EDIL3: variants seen among roughly 807,000 people sequenced by gnomAD.
EDIL3 encodes EGF like and discoidin domains 3.
Under a neutral mutation model 67.4 loss-of-function variants are expected in EDIL3, and 37 were observed. That is an observed-to-expected ratio of 0.55 (90% CI 0.42 to 0.72). The LOEUF (loss-of-function observed/expected upper bound fraction) is 0.72. Among genes scored for constraint, EDIL3 ranks in the 30% least tolerant of loss-of-function variants. The probability of loss-of-function intolerance (pLI) is 0.00; values close to 1 mark genes in which losing one functional copy is unlikely to be tolerated. For missense variants in EDIL3, 527 were observed against 586.3 expected (o/e 0.90, Z 1.04); for synonymous variants, 195 against 196.3 (o/e 0.99, Z 0.05).
intron 2 of EDIL3, among the ~76,000 whole-genome samples, chr5:84,246,384 T>G (rs1053896222): frequency 6.6e-6 from 1 of 152,236 alleles, no homozygotes; most frequent in Admixed American, 6.5e-5. Flanking sequence ...GCCAGCTGAC[T>G]GCAGACGCAG....
chr5:84,302,078 A>G (rs564711539), intron 1 of EDIL3, among the ~76,000 whole-genome samples: 42 of 152,292 alleles, frequency 2.8e-4, no homozygotes, highest in Non-Finnish European at 4.3e-4. Context: ...TATAGAAAGT[A>G]TATCTTATAC....
chr5:84,094,325 A>G (rs1747222134), intron 6 of EDIL3, among the ~76,000 whole-genome samples: 1 of 152,202 alleles, frequency 6.6e-6, no homozygotes, highest in African/African-American at 2.4e-5. Flanking sequence ...GAAATATATT[A>G]ATGTCCAGAT....
rs28690137 is a variant in EDIL3 at position 84,056,406 on chromosome 5, C to A, written c.1137+3894G>T. Among the ~76,000 whole-genome samples the A allele has an allele frequency of 8.6e-3, 1,303 of 152,038 alleles. 20 individuals carry two copies. Among genetic ancestry groups the A allele is most frequent in the African/African-American group, 0.03 (1,230 of 41,472 alleles). On this transcript the variant is annotated intron_variant, in intron 9 of 10. Coordinates refer to ENST00000296591, the MANE Select transcript of EDIL3 (RefSeq NM_005711.5). ...TAATGGGTGCAGCACACCAACATGG[C>A]ACATGTATACATATGTAACAAACCT... is the stretch of plus-strand genomic sequence containing the variant.
At chr5:84,148,142 T>C (rs1488464191) in intron 4 of EDIL3, among the ~76,000 whole-genome samples, 1 of 152,184 alleles carries the variant, frequency 6.6e-6, no homozygotes, top group African/African-American at 2.4e-5. Flanking sequence ...ACTGCAAATA[T>C]AACTGTCCTT....
intron 5 of EDIL3, among the ~76,000 whole-genome samples, chr5:84,135,552 T>A (rs993197148): frequency 7.9e-5 from 12 of 152,208 alleles, no homozygotes; most frequent in African/African-American, 2.9e-4. Context: ...TGAGCAGCCA[T>A]CTTCAAATTC....
intron 6 of EDIL3, among the ~76,000 whole-genome samples, chr5:84,075,634 C>T (rs1460918766): frequency 6.6e-6 from 1 of 152,094 alleles, no homozygotes; most frequent in Non-Finnish European, 1.5e-5. Flanking sequence ...TGCCACCACT[C>T]CTGGCTAATT....
In EDIL3 at chr5:84,371,393, G is replaced by T. The variant is rs1431388265; in HGVS notation, c.67+12915C>A. Among the ~76,000 whole-genome samples, 3 of 145,946 alleles carry T rather than the reference G, an allele frequency of 2.1e-5. No homozygotes were observed. In the South Asian group the frequency reaches 6.4e-4, roughly 31 times the overall value. Reference sequence around the variant, plus strand: ...TATATGTATGTGTGTATATATATGTGTGTATATATATGTGTGTATATGTGT... The same window carrying T: ...TATATGTATGTGTGTATATATATGTTTGTATATATATGTGTGTATATGTGT... On this transcript the variant is annotated intron_variant, in intron 1 of 10. Coordinates refer to ENST00000296591, the MANE Select transcript of EDIL3 (RefSeq NM_005711.5).
chr5:84,317,872 T>C (rs1451456768), intron 1 of EDIL3, among the ~76,000 whole-genome samples: 1 of 152,204 alleles, frequency 6.6e-6, no homozygotes, highest in African/African-American at 2.4e-5. Flanking sequence ...TAAGTCAAAT[T>C]GTCTCTGTTT....
chr5:84,169,739 G>C (rs1024704467), intron 4 of EDIL3, among the ~76,000 whole-genome samples: 1 of 151,272 alleles, frequency 6.6e-6, no homozygotes, highest in African/African-American at 2.4e-5. Flanking sequence ...TTGCATTGCT[G>C]AGTAGCAATT....
At chr5:84,199,718 G>A (rs866629215) in intron 3 of EDIL3, among the ~76,000 whole-genome samples, 4 of 151,892 alleles carry the variant, frequency 2.6e-5, no homozygotes, top group African/African-American at 7.3e-5. Context: ...CAAATCTCCC[G>A]TAAACATTTT....
At chr5:84,371,939 C>G (rs1747864231) in intron 1 of EDIL3, among the ~76,000 whole-genome samples, 1 of 152,078 alleles carries the variant, frequency 6.6e-6, no homozygotes, top group African/African-American at 2.4e-5. Flanking sequence ...CCACCACGAT[C>G]TATGGATCCC....
chr5:83,982,105 AC>A (rs1372461029), intron 9 of EDIL3, among the ~76,000 whole-genome samples: 2 of 152,098 alleles, frequency 1.3e-5, no homozygotes, highest in Non-Finnish European at 2.9e-5. Flanking sequence ...AAAATCTAAC[AC>A]ATGTGATTTA....
chr5:84,138,870 T>G (rs988886875), intron 4 of EDIL3, among the ~76,000 whole-genome samples: 2 of 152,120 alleles, frequency 1.3e-5, no homozygotes, highest in Non-Finnish European at 2.9e-5. Context: ...ATAATTTGAG[T>G]ACCTCATAAC....
rs368118646 is a variant in EDIL3, at chr5:84,034,997, T to C, written c.1137+25303A>G. Reference sequence around the variant, plus strand: ...ATGATTTATCTTAAATAAATTTTTCTGGGACATTTTTTGTCATAGACTGTA... The same window carrying C: ...ATGATTTATCTTAAATAAATTTTTCCGGGACATTTTTTGTCATAGACTGTA... On this transcript the variant is annotated intron_variant, in intron 9 of 10. Coordinates refer to ENST00000296591, the MANE Select transcript of EDIL3 (RefSeq NM_005711.5). Among the ~76,000 whole-genome samples, 18 of 152,296 alleles carry C rather than the reference T, an allele frequency of 1.2e-4. No homozygotes were observed. The East Asian group carries it at 3.3e-3, about 28-fold the overall frequency.
rs972046883 is a variant in EDIL3 at position 84,152,661 on chromosome 5, T to G, written c.356-15307A>C. 3.9e-5 allele frequency among the ~76,000 whole-genome samples: 6 copies of G among 151,988 alleles called. No homozygotes were observed. In the East Asian group the frequency reaches 1.2e-3, roughly 29 times the overall value. ...TGGCCCTTAGTATAAAGATTTGAGT[T>G]TATGCAGCATCTTACTTCCCTACAC... On this transcript the variant is annotated intron_variant, in intron 4 of 10. Coordinates refer to ENST00000296591, the MANE Select transcript of EDIL3 (RefSeq NM_005711.5).
chr5:84,304,015 T>G (rs951254672), intron 1 of EDIL3, among the ~76,000 whole-genome samples: 1 of 152,182 alleles, frequency 6.6e-6, no homozygotes, highest in Non-Finnish European at 1.5e-5. Flanking sequence ...TAATATTATT[T>G]TTAATGATTA....
chr5:84,262,752 A>G (rs1745259943), intron 1 of EDIL3, among the ~76,000 whole-genome samples: 1 of 131,838 alleles, frequency 7.6e-6, no homozygotes, highest in Non-Finnish European at 1.5e-5. Flanking sequence ...GCTCACTGCA[A>G]CCTCCGCCTC....
chr5:84,300,644 A>G (rs780931313), intron 1 of EDIL3, among the ~76,000 whole-genome samples: 1 of 152,228 alleles, frequency 6.6e-6, no homozygotes, highest in African/African-American at 2.4e-5. Flanking sequence ...TGCATATTCT[A>G]ACAAATAGCA....
intron 3 of EDIL3, among the ~76,000 whole-genome samples, chr5:84,198,301 T>C (rs1019509856): frequency 6.6e-6 from 1 of 151,926 alleles, no homozygotes; most frequent in African/African-American, 2.4e-5. Context: ...ATAGAATTCT[T>C]GGTCTTGGCT....
Sources: gnomAD v4.1 joint callset for allele counts (sites outside exome capture counted in the v4.1 genomes callset) on GRCh38, gnomAD v4.1.1 for gene constraint, MANE v1.5 for transcripts, NCBI Gene and HGNC (gene_info 2026-07-23, HGNC 2026-07-21) for gene names.